The following ZHX2 variants were observed in gnomAD, a reference collection of about 807,000 sequenced individuals.
ZHX2 encodes the protein zinc fingers and homeoboxes 2.
In ZHX2, 6 loss-of-function variants were observed where a neutral mutation model predicts 21.9. The observed-to-expected ratio is 0.27, with a 90% CI of 0.15 to 0.54. ZHX2 has a LOEUF of 0.54. Among genes scored for constraint, ZHX2 ranks in the 20% least tolerant of loss-of-function variants. The probability of loss-of-function intolerance (pLI) is 0.95; values close to 1 mark genes in which losing one functional copy is unlikely to be tolerated. For missense variants in ZHX2, 908 were observed against 1,090.7 expected, an observed-to-expected ratio of 0.83 and a Z score of 2.36; for synonymous variants, 434 against 437.1, an observed-to-expected ratio of 0.99 and a Z score of 0.09.
At position 122,952,032 on chromosome 8, in the gene ZHX2, C is replaced by A; in HGVS notation, c.522C>A (p.Asp174Glu). The A allele has an allele frequency of 6.2e-7, 1 of 1,613,642 alleles. No individual in the cohort carries two copies. Among genetic ancestry groups the A allele is most frequent in the African/African-American group, 1.3e-5 (1 of 74,900 alleles). ...CCACCAGTGGCCCTGGAACTGGTGA[C>A]AGTGATTCTGGGATCTCGGTGAGTA... ...SITTSGPGTG[D>E]SDSGISVSKT... Residue 174 changes from aspartate (D) to glutamate (E), a missense_variant, in exon 3 of 4, where the codon GAC (aspartate) becomes GAA (glutamate). Physicochemically the swap from Asp to Glu is conservative, Grantham distance 45. This residue lies in a region of ZHX2 where 220 missense variants were observed against 251.4 expected (regional missense o/e 0.88). Coordinates refer to ENST00000314393, the MANE Select transcript of ZHX2 (RefSeq NM_014943.5). The surrounding 1 kb of genome is among the most constrained non-coding windows in gnomAD (Gnocchi z 6.9).
chr8:122,912,521 C>T (rs938198489), intron 2 of ZHX2, among the ~76,000 whole-genome samples: 67 of 152,320 alleles, frequency 4.4e-4, no homozygotes, highest in African/African-American at 1.5e-3. Flanking sequence ...CACAGATCCT[C>T]CTTCAGAAGC....
chr8:122,936,443 G>A (rs1258567605), intron 2 of ZHX2, among the ~76,000 whole-genome samples: 7 of 152,216 alleles, frequency 4.6e-5, no homozygotes, highest in African/African-American at 9.6e-5. Context: ...AGGGAATGGT[G>A]TGGGGTTAGA....
intron 1 of ZHX2, among the ~76,000 whole-genome samples, chr8:122,790,886 G>A (rs6470117): frequency 0.017 from 2,595 of 152,256 alleles, 76 homozygotes; most frequent in African/African-American, 0.06. Flanking sequence ...GGGATTACAG[G>A]CATGAGCCAC....
chr8:122,858,638 CTTT>C (rs34399149), intron 1 of ZHX2, among the ~76,000 whole-genome samples: 4 of 82,738 alleles, frequency 4.8e-5, no homozygotes, highest in African/African-American at 8.6e-5. Flanking sequence ...TTCTTTCTTT[CTTT>C]TTTTTTTTTT....
chr8:122,874,585 G>A (rs1165271877), intron 2 of ZHX2, among the ~76,000 whole-genome samples: 2 of 151,994 alleles, frequency 1.3e-5, no homozygotes, highest in Non-Finnish European at 2.9e-5. Context: ...CGCCTACCTC[G>A]GCCTCCCAAA....
intron 2 of ZHX2, among the ~76,000 whole-genome samples, chr8:122,893,110 T>C: frequency 6.6e-6 from 1 of 152,306 alleles, no homozygotes; most frequent in African/African-American, 2.4e-5. Flanking sequence ...CTTGAGTAGT[T>C]GGTTTTTGTT....
At chr8:122,968,804 A>G (rs780597707) in intron 3 of ZHX2, among the ~76,000 whole-genome samples, 5 of 151,566 alleles carry the variant, frequency 3.3e-5, no homozygotes, top group African/African-American at 9.7e-5. Context: ...GCACCAGTGA[A>G]CTCCAGCCTG....
chr8:122,827,838 G>A (rs1234215336), intron 1 of ZHX2, among the ~76,000 whole-genome samples: 1 of 152,248 alleles, frequency 6.6e-6, no homozygotes, highest in Non-Finnish European at 1.5e-5. Flanking sequence ...AGAGCTGGAT[G>A]CAGTGGCTCA....
Position 122,792,034 on chromosome 8 carries a change from T to G in ZHX2, c.-283+10088T>G, listed in dbSNP as rs1563731782. ...ACAATTTATTGACTTTTAGTGTATT[T>G]ACAAAATTATGCAACCATTACCACA... is the stretch of plus-strand genomic sequence containing the variant. On this transcript the variant is annotated intron_variant, in intron 1 of 3. Transcript: ENST00000314393. Among the ~76,000 whole-genome samples, 3 of 152,204 alleles carry G rather than the reference T, an allele frequency of 2.0e-5. No homozygotes were observed. The South Asian group carries it at 6.2e-4, about 32-fold the overall frequency.
In ZHX2 at chr8:122,851,984, G is replaced by A. The variant is rs149852565; in HGVS notation, c.-282-11493G>A. ...TTGCAACGTCTGAGCAGATCCCTCC[G>A]AATTGATTTGGTTCTCCTTCCTGTT... On this transcript the variant is annotated intron_variant, in intron 1 of 3. Coordinates refer to ENST00000314393, the MANE Select transcript of ZHX2 (RefSeq NM_014943.5). Among the ~76,000 whole-genome samples, 1,369 of 152,304 alleles carry A rather than the reference G, an allele frequency of 9.0e-3. 7 individuals are homozygous for A. The highest frequency in any genetic ancestry group is 0.017 in the Middle Eastern group (5 of 294).
chr8:122,808,478 A>G (rs918613501), intron 1 of ZHX2, among the ~76,000 whole-genome samples: 4 of 152,160 alleles, frequency 2.6e-5, no homozygotes, highest in Non-Finnish European at 4.4e-5. Context: ...TCTCATGAGA[A>G]TTCACTCATT....
At position 122,953,346 on chromosome 8, in the gene ZHX2, T is replaced by A; in HGVS notation, c.1836T>A (p.Ser612=). Residue 612 remains serine, a synonymous_variant, in exon 3 of 4, where the codon TCT becomes TCA. Transcript: ENST00000314393. The surrounding 1 kb of genome is among the most constrained non-coding windows in gnomAD (Gnocchi z 4.6). The part of the protein sequence containing the change: ...QDVGAPNGAL[S]RLDQLSGAQL... ...TGGGAGCCCCCAATGGTGCTCTGTC[T>A]CGACTCGACCAGCTCTCCGGTGCCC... 1.2e-6 allele frequency: 2 copies of A among 1,614,052 alleles called. No homozygotes were observed. The highest frequency in any genetic ancestry group is 8.5e-7 in the Non-Finnish European group (1 of 1,180,030).
intron 2 of ZHX2, among the ~76,000 whole-genome samples, chr8:122,900,382 C>G (rs1820199195): frequency 6.6e-6 from 1 of 152,056 alleles, no homozygotes. Flanking sequence ...TAACAACCAG[C>G]TTTTTGAGAA....
intron 3 of ZHX2, 49 bp downstream of exon 3, chr8:122,954,077 T>G (rs561610674): frequency 3.4e-6 from 5 of 1,485,564 alleles, no homozygotes; most frequent in African/African-American, 2.8e-5. Context: ...CAGCTTGCTT[T>G]CTTTTCGTTG....
chr8:122,935,536 C>CT (rs397795298), intron 2 of ZHX2, among the ~76,000 whole-genome samples: 92,229 of 133,896 alleles, frequency 0.69, 32,499 homozygotes, highest in East Asian at 0.81. Context: ...TTGAGAGTAA[C>CT]TTTTTTTTTT....
chr8:122,874,629 G>A (rs1041818571), intron 2 of ZHX2, among the ~76,000 whole-genome samples: 3 of 152,048 alleles, frequency 2.0e-5, no homozygotes, highest in East Asian at 1.9e-4. Flanking sequence ...CACCATGCCC[G>A]GCCATTGAAT....
At chr8:122,867,393 G>T (rs1402102712) in intron 2 of ZHX2, among the ~76,000 whole-genome samples, 1 of 152,176 alleles carries the variant, frequency 6.6e-6, no homozygotes, top group African/African-American at 2.4e-5. Context: ...CAGGACCTGT[G>T]CTTAGCAGGT....
intron 2 of ZHX2, among the ~76,000 whole-genome samples, chr8:122,910,547 T>C (rs1820452104): frequency 6.6e-6 from 1 of 152,236 alleles, no homozygotes. Context: ...AGGACCCCTG[T>C]TCAAAAGGCA....
chr8:122,914,592 C>A (rs1050569370), intron 2 of ZHX2, among the ~76,000 whole-genome samples: 2 of 152,236 alleles, frequency 1.3e-5, no homozygotes, highest in African/African-American at 4.8e-5. Flanking sequence ...CATTTTACCA[C>A]TTCCCAGATT....
Sources: allele counts gnomAD v4.1 joint callset (sites outside exome capture counted in the v4.1 genomes callset), GRCh38; gene constraint gnomAD v4.1.1; regional missense constraint gnomAD v4.1.1; non-coding constraint Gnocchi (gnomAD v3.1); transcripts MANE v1.5; gene names NCBI Gene and HGNC (gene_info 2026-07-23, HGNC 2026-07-21).